The following EMC3 variants were observed in gnomAD, a reference collection of about 807,000 sequenced individuals.
The protein encoded by EMC3 is 30 kDa protein.
EMC3 carries 13 observed loss-of-function variants against 36.6 expected under a neutral mutation model. The ratio of observed to expected loss-of-function variants is 0.35; its 90% CI spans 0.23 to 0.56. The LOEUF (loss-of-function observed/expected upper bound fraction) is 0.56. Ranked by LOEUF, EMC3 falls within the 20% of genes least tolerant of loss-of-function variation. The pLI is 0.84. For synonymous variants in EMC3, 120 were observed against 111.9 expected (o/e 1.07, Z -0.46); for missense variants, 220 against 324.5 (o/e 0.68, Z 2.47).
At chr3:9,971,218 T>C (rs1257746970) in intron 5 of EMC3, among the ~76,000 whole-genome samples, 1 of 152,142 alleles carries the variant, frequency 6.6e-6, no homozygotes, top group East Asian at 1.9e-4. Context: ...CCACTGGGTG[T>C]GTTCCATACT....
At position 10,009,729 on chromosome 3, in the gene EMC3, A is replaced by T. The variant is rs147203872; in HGVS notation, c.-242+1294T>A. Among the ~76,000 whole-genome samples the T allele has an allele frequency of 5.3e-5, 8 of 152,212 alleles. No individual in the cohort carries two copies. The East Asian group carries it at 1.5e-3, about 29-fold the overall frequency. ...CCTCAGAGGCTCCCTTCATCTGTCCACTTGGCAAAGGAAGGGGCGGGTCAG... is the reference window on the plus strand; with the variant it reads ...CCTCAGAGGCTCCCTTCATCTGTCCTCTTGGCAAAGGAAGGGGCGGGTCAG... On this transcript the variant is annotated intron_variant, in intron 1 of 8. Coordinates refer to the EMC3 transcript ENST00000470827.
intron 1 of EMC3, chr3:10,003,204 GAC>G: frequency 6.6e-6 from 3 of 456,706 alleles, no homozygotes; most frequent in South Asian, 3.1e-5. Context: ...AAATGTCCCT[GAC>G]ACAGCAACAA....
At chr3:9,988,482 G>A (rs1343373310), upstream of EMC3, 7 of 1,292,024 alleles carry the variant, frequency 5.4e-6, no homozygotes, top group Non-Finnish European at 7.9e-6. Flanking sequence ...ATTAAGGTGG[G>A]ATCTTTGGAA....
At position 9,986,538 on chromosome 3, in the gene EMC3, T is replaced by C; in HGVS notation, c.124A>G (p.Lys42Glu). 1 of 1,614,170 alleles carries C rather than the reference T, an allele frequency of 6.2e-7. No individual in the cohort carries two copies. The highest frequency in any genetic ancestry group is 8.5e-7 in the Non-Finnish European group (1 of 1,180,012). The change falls in exon 1 of 8, where the codon AAG becomes GAG. Residue 42 changes from lysine (K) to glutamate (E), a missense_variant. Coordinates refer to ENST00000245046, the MANE Select transcript of EMC3 (RefSeq NM_001394674.1). ...GATACTTGTTCCTGGGTGAGCTTCT[T>C]GTCGCTCTGCAGCAGGATGGACACG... The part of the protein sequence containing the change: ...HYVSILLQSD[K>E]KLTQEQVSDS...
At chr3:9,986,913 A>G (rs148012219), upstream of EMC3, 698 of 1,290,084 alleles carry the variant, frequency 5.4e-4, 3 homozygotes, top group African/African-American at 9.4e-3. Context: ...CTGGCGGGAA[A>G]GTGGAAAACT....
intron 1 of EMC3, among the ~76,000 whole-genome samples, chr3:10,000,116 C>T (rs1481854892): frequency 6.6e-6 from 1 of 152,068 alleles, no homozygotes; most frequent in Non-Finnish European, 1.5e-5. Flanking sequence ...TGGTTCACTG[C>T]AATGCACCTC....
chr3:9,999,799 C>A lies in EMC3; in HGVS notation c.-242+11224G>T, dbSNP rs1559358780. On this transcript the variant is annotated intron_variant, in intron 1 of 8. Coordinates refer to the EMC3 transcript ENST00000470827. ...TTGTTACTATTTTAAAAGCATGTGA[C>A]CTTATAGATCATGTATAAAATGTGA... is the stretch of plus-strand genomic sequence containing the variant. 2.0e-5 allele frequency among the ~76,000 whole-genome samples: 3 copies of A among 152,222 alleles called. No homozygotes were observed. In the East Asian group the frequency reaches 5.8e-4, roughly 29 times the overall value.
chr3:9,967,354 A>G (rs2085744337), intron 7 of EMC3, among the ~76,000 whole-genome samples: 1 of 76,366 alleles, frequency 1.3e-5, no homozygotes, highest in African/African-American at 1.4e-4. Flanking sequence ...CTGCACTAAC[A>G]TGCCTGTTGA....
At chr3:9,999,244 CT>C (rs60974972) in intron 1 of EMC3, among the ~76,000 whole-genome samples, 385 of 140,098 alleles carry the variant, frequency 2.7e-3, no homozygotes, top group Admixed American at 3.2e-3. Flanking sequence ...TCAAATTTAT[CT>C]TTTTTTTTTT....
intron 1 of EMC3, chr3:10,007,351 G>A: frequency 7.4e-7 from 1 of 1,348,826 alleles, no homozygotes; most frequent in Non-Finnish European, 9.9e-7. Context: ...CAATCATGCT[G>A]AGAGGTCCCC....
intron 1 of EMC3, among the ~76,000 whole-genome samples, chr3:9,981,006 C>T (rs566207220): frequency 6.6e-6 from 1 of 152,182 alleles, no homozygotes; most frequent in Admixed American, 6.5e-5. Flanking sequence ...AGTTCAAGAA[C>T]AGCCTAGTCA....
chr3:10,009,297 A>G (rs1350183245), intron 1 of EMC3, among the ~76,000 whole-genome samples: 1 of 152,192 alleles, frequency 6.6e-6, no homozygotes, highest in East Asian at 1.9e-4. Flanking sequence ...ACTTGCTAGT[A>G]TCTGTCCCCT....
At chr3:9,989,497 G>T (rs1239780544), upstream of EMC3, among the ~76,000 whole-genome samples, 1 of 152,242 alleles carries the variant, frequency 6.6e-6, no homozygotes, top group Non-Finnish European at 1.5e-5. Flanking sequence ...AGATGATTGA[G>T]TTCCTTAGGT....
In EMC3 at chr3:10,007,364, G is replaced by C. The variant is rs565282870; in HGVS notation, c.-242+3659C>G. ...GTCAATCATGCTGAGAGGTCCCCAG[G>C]AGGATCCTGAAGCCCTGGGAACCAG... On this transcript the variant is annotated intron_variant, in intron 1 of 8. Transcript: ENST00000470827. 7.2e-5 allele frequency: 98 copies of C among 1,361,326 alleles called. 2 individuals carry two copies. The South Asian group carries it at 1.1e-3, about 15-fold the overall frequency. 84.3% of individuals were successfully genotyped at this position (1,361,326 alleles called of 1,614,324 possible).
chr3:9,982,795 G>C (rs2085925718), intron 1 of EMC3, among the ~76,000 whole-genome samples: 1 of 151,906 alleles, frequency 6.6e-6, no homozygotes, highest in African/African-American at 2.4e-5. Flanking sequence ...GCTGAGGTGG[G>C]AGGATCCTTG....
At chr3:9,997,418 T>A (rs1207964007) in intron 1 of EMC3, among the ~76,000 whole-genome samples, 1 of 152,134 alleles carries the variant, frequency 6.6e-6, no homozygotes, top group East Asian at 1.9e-4. Flanking sequence ...CAGAACTTCA[T>A]TCCCTACTAC....
chr3:9,979,254 G>C (rs933433143), intron 1 of EMC3, among the ~76,000 whole-genome samples: 1 of 152,200 alleles, frequency 6.6e-6, no homozygotes, highest in Non-Finnish European at 1.5e-5. Flanking sequence ...AGGATTTAGA[G>C]ACTTTTATAA....
At chr3:9,980,802 T>C (rs1233038280) in intron 1 of EMC3, among the ~76,000 whole-genome samples, 2 of 152,154 alleles carry the variant, frequency 1.3e-5, no homozygotes, top group Non-Finnish European at 2.9e-5. Context: ...CATATTTTAT[T>C]ACTTGAACAG....
intron 1 of EMC3, among the ~76,000 whole-genome samples, chr3:9,986,217 C>A (rs769746109): frequency 1.3e-4 from 20 of 152,134 alleles, no homozygotes; most frequent in Non-Finnish European, 2.5e-4. Flanking sequence ...CGAGGGTCGG[C>A]GACTAACCTA....
Sources: gnomAD v4.1 joint callset for allele counts (sites outside exome capture counted in the v4.1 genomes callset) on GRCh38, gnomAD v4.1.1 for gene constraint, MANE v1.5 for transcripts, NCBI Gene and HGNC (gene_info 2026-07-23, HGNC 2026-07-21) for gene names.